SRFBP1: variants seen among roughly 807,000 people sequenced by gnomAD.
The protein encoded by SRFBP1 is serum response factor-binding protein 1.
SRFBP1 carries 47 observed loss-of-function variants against 45.5 expected under a neutral mutation model. That is an observed-to-expected ratio of 1.03 (90% CI 0.82 to 1.32). SRFBP1 has a LOEUF of 1.32. Among genes scored for constraint, SRFBP1 ranks in the 40% most tolerant of loss-of-function variants. The pLI is 0.00. For missense variants in SRFBP1, 621 were observed against 484.6 expected, an observed-to-expected ratio of 1.28 and a Z score of -2.64; for synonymous variants, 203 against 166.3, an observed-to-expected ratio of 1.22 and a Z score of -1.70.
At chr5:122,049,661 A>T (rs1454513932) in intron 2 of SRFBP1, among the ~76,000 whole-genome samples, 2 of 152,178 alleles carry the variant, frequency 1.3e-5, no homozygotes, top group African/African-American at 4.8e-5. Context: ...AAGAACAGAA[A>T]TTATAACAAA....
intron 3 of SRFBP1, among the ~76,000 whole-genome samples, chr5:121,977,160 G>GTGGTT (rs779680089): frequency 3.7e-4 from 57 of 152,084 alleles, no homozygotes; most frequent in East Asian, 1.5e-3. Context: ...CATCACTATC[G>GTGGTT]TGGTTTGGTT....
intron 2 of SRFBP1, among the ~76,000 whole-genome samples, chr5:122,048,266 T>A (rs528780727): frequency 5.1e-4 from 78 of 152,354 alleles, no homozygotes; most frequent in African/African-American, 1.8e-3. Flanking sequence ...GGTTGTTGAA[T>A]TTTCTCAGAG....
intron 4 of SRFBP1, among the ~76,000 whole-genome samples, chr5:122,012,945 A>AG (rs1753123495): frequency 6.6e-6 from 1 of 152,074 alleles, no homozygotes; most frequent in Admixed American, 6.6e-5. Context: ...AATTTCTAGG[A>AG]GTTTTTGCAT....
At chr5:121,999,697 A>G (rs1343911033) in intron 4 of SRFBP1, among the ~76,000 whole-genome samples, 1 of 152,098 alleles carries the variant, frequency 6.6e-6, no homozygotes, top group Non-Finnish European at 1.5e-5. Context: ...GGCCCTCCTT[A>G]ACCCCGATAA....
At chr5:122,039,433 A>G (rs972763754) in intron 2 of SRFBP1, among the ~76,000 whole-genome samples, 1 of 152,134 alleles carries the variant, frequency 6.6e-6, no homozygotes, top group Admixed American at 6.5e-5. Flanking sequence ...AAAACTGGCT[A>G]AGTGCTCACT....
chr5:121,987,925 A>C (rs531598513), intron 3 of SRFBP1, among the ~76,000 whole-genome samples: 1 of 152,262 alleles, frequency 6.6e-6, no homozygotes, highest in Non-Finnish European at 1.5e-5. Flanking sequence ...CTTACGAGTC[A>C]CTATATTAGG....
At chr5:121,962,735 C>T (rs1042094284) in intron 1 of SRFBP1, among the ~76,000 whole-genome samples, 1 of 152,190 alleles carries the variant, frequency 6.6e-6, no homozygotes, top group Non-Finnish European at 1.5e-5. Context: ...ACCACTTATC[C>T]CCCTCTGGTT....
chr5:122,009,553 AG>A (rs1317970811), intron 4 of SRFBP1, among the ~76,000 whole-genome samples: 2 of 152,260 alleles, frequency 1.3e-5, no homozygotes, highest in Non-Finnish European at 2.9e-5. Flanking sequence ...TAAAGCTCAC[AG>A]GAAGTATTCC....
intron 4 of SRFBP1, among the ~76,000 whole-genome samples, chr5:121,995,517 G>C (rs992571274): frequency 2.6e-5 from 4 of 152,076 alleles, no homozygotes; most frequent in African/African-American, 9.7e-5. Context: ...TCAAAGCAGT[G>C]TGTAGAGGGA....
At chr5:122,048,860 T>C (rs963445710) in intron 2 of SRFBP1, among the ~76,000 whole-genome samples, 5 of 152,206 alleles carry the variant, frequency 3.3e-5, no homozygotes, top group Non-Finnish European at 7.4e-5. Context: ...TCTCTGATGG[T>C]AGTTTGTCTT....
chr5:121,992,885 A>T (rs1430323888), intron 3 of SRFBP1, among the ~76,000 whole-genome samples: 2 of 152,040 alleles, frequency 1.3e-5, no homozygotes, highest in Non-Finnish European at 1.5e-5. Context: ...AAAGTAAAAC[A>T]GTGAATGAGC....
rs536125350 is a variant in SRFBP1 at position 122,049,734 on chromosome 5, G to A, written n.312-25581G>A. Reference sequence around the variant, plus strand: ...AGGATTAAGAAACTCACTCAAAACCGCCAACTACATGGAAACTGAACAACC... The same window carrying A: ...AGGATTAAGAAACTCACTCAAAACCACCAACTACATGGAAACTGAACAACC... On this transcript the variant is annotated intron_variant and non_coding_transcript_variant, in intron 2 of 2. Transcript: ENST00000504881. Among the ~76,000 whole-genome samples the A allele has an allele frequency of 1.3e-4, 20 of 152,130 alleles. No individual in the cohort carries two copies. In the East Asian group the frequency reaches 3.1e-3, roughly 24 times the overall value.
At chr5:122,062,609 C>T (rs914257389) in intron 2 of SRFBP1, among the ~76,000 whole-genome samples, 9 of 151,982 alleles carry the variant, frequency 5.9e-5, no homozygotes, top group Non-Finnish European at 7.4e-5. Context: ...TTTCAGGTAT[C>T]ACTGATATTC....
At chr5:122,032,518 T>G (rs922690562), downstream of SRFBP1, among the ~76,000 whole-genome samples, 1 of 152,184 alleles carries the variant, frequency 6.6e-6, no homozygotes, top group African/African-American at 2.4e-5. Flanking sequence ...ATGCAAAAAT[T>G]AGCAGTTTCT....
downstream of SRFBP1, chr5:122,076,824 A>G: frequency 7.2e-7 from 1 of 1,387,528 alleles, no homozygotes; most frequent in Non-Finnish European, 1.0e-6. Context: ...AGTAGCAGTC[A>G]GAACCAGGCA....
chr5:121,997,875 C>G (rs1752764339), intron 4 of SRFBP1, among the ~76,000 whole-genome samples: 1 of 149,810 alleles, frequency 6.7e-6, no homozygotes, highest in South Asian at 2.1e-4. Context: ...AGACACTTCT[C>G]AAAAGAAGAC....
chr5:122,037,798 A>G (rs1753716901), intron 2 of SRFBP1, among the ~76,000 whole-genome samples: 1 of 152,136 alleles, frequency 6.6e-6, no homozygotes, highest in Non-Finnish European at 1.5e-5. Flanking sequence ...GATTATACCC[A>G]TGAGCCACAG....
At chr5:122,001,160 T>A (rs545905431) in intron 4 of SRFBP1, among the ~76,000 whole-genome samples, 194 of 152,070 alleles carry the variant, frequency 1.3e-3, no homozygotes, top group African/African-American at 4.4e-3. Context: ...ATGTAATAAA[T>A]CAGAGCATAC....
At chr5:121,983,470 C>A (rs191172894) in intron 3 of SRFBP1, among the ~76,000 whole-genome samples, 1 of 151,814 alleles carries the variant, frequency 6.6e-6, no homozygotes, top group East Asian at 1.9e-4. Flanking sequence ...TTACATTAAA[C>A]AAGCTATTTT....
Sources: allele counts gnomAD v4.1 joint callset (sites outside exome capture counted in the v4.1 genomes callset), GRCh38; gene constraint gnomAD v4.1.1; transcripts MANE v1.5; gene names NCBI Gene and HGNC (gene_info 2026-07-23, HGNC 2026-07-21).